Variants in KANSL1 observed in about 807,000 individuals in gnomAD.
The protein encoded by KANSL1 is MLL1/MLL complex subunit KANSL1.
In KANSL1, 22 loss-of-function variants were observed where a neutral mutation model predicts 103.6. The ratio of observed to expected loss-of-function variants is 0.21; its 90% CI spans 0.15 to 0.30. The LOEUF is 0.30. Ranked by LOEUF, KANSL1 falls within the 10% of genes least tolerant of loss-of-function variation. The pLI, the probability that KANSL1 is intolerant of heterozygous loss-of-function variation, is 1.00. For missense variants in KANSL1, 1,337 were observed against 1,399.8 expected (o/e 0.96, Z 0.72); for synonymous variants, 600 against 527.6 (o/e 1.14, Z -1.88).
chr17:46,146,333 G>C (rs945516962), intron 2 of KANSL1, among the ~76,000 whole-genome samples: 2 of 152,202 alleles, frequency 1.3e-5, no homozygotes, highest in African/African-American at 2.4e-5. Flanking sequence ...TTTACAGAGA[G>C]GGAAATCAAT....
chr17:46,210,270 C>T (rs1417339363), intron 1 of KANSL1, among the ~76,000 whole-genome samples: 1 of 151,914 alleles, frequency 6.6e-6, no homozygotes, highest in South Asian at 2.1e-4. Flanking sequence ...GTCAGGAGAT[C>T]GAGACCATCC....
chr17:46,175,475 G>A (rs1026251130), intron 1 of KANSL1, among the ~76,000 whole-genome samples: 2 of 151,984 alleles, frequency 1.3e-5, no homozygotes, highest in African/African-American at 4.8e-5. Context: ...TCAGCCTCCC[G>A]AGTAGCTGGG....
intron 1 of KANSL1, among the ~76,000 whole-genome samples, chr17:46,220,483 TG>T (rs2048497393): frequency 1.3e-5 from 2 of 152,214 alleles, no homozygotes; most frequent in South Asian, 4.1e-4. Flanking sequence ...CCCAAAGTGC[TG>T]GGATTACAGG....
chr17:46,155,593 G>A (rs2109092), intron 2 of KANSL1, among the ~76,000 whole-genome samples: 21,939 of 152,154 alleles, frequency 0.14, 2,134 homozygotes, highest in Non-Finnish European at 0.22. Flanking sequence ...ACGCCATCAG[G>A]CATTCTTACA....
chr17:46,102,870 T>C (rs181311632), intron 2 of KANSL1, among the ~76,000 whole-genome samples: 1 of 152,324 alleles, frequency 6.6e-6, no homozygotes, highest in African/African-American at 2.4e-5. Flanking sequence ...ATATAAAATA[T>C]ACGATAAGAG....
At position 46,073,536 on chromosome 17, in the gene KANSL1, T is replaced by C. The variant is rs148020648; in HGVS notation, c.1534-5869A>G. Among the ~76,000 whole-genome samples the C allele has an allele frequency of 4.2e-3, 635 of 152,192 alleles. 5 individuals carry two copies. Among genetic ancestry groups the C allele is most frequent in the African/African-American group, 0.014 (596 of 41,512 alleles). ...AAAGATAAGCCAAAACGTACTGAAA[T>C]TGCTAACCTACAGGACGTTGAGTGA... On this transcript the variant is annotated intron_variant, in intron 4 of 14. Transcript: ENST00000432791.
chr17:46,056,879 T>C (rs1474509370), intron 6 of KANSL1, among the ~76,000 whole-genome samples: 2 of 152,252 alleles, frequency 1.3e-5, no homozygotes, highest in Non-Finnish European at 2.9e-5. Context: ...GCACTGTAGA[T>C]ATCTAGCAGC....
chr17:46,082,662 G>T, intron 3 of KANSL1, 120 bp from the exon 4 acceptor site: 1 of 523,454 alleles, frequency 1.9e-6, no homozygotes, highest in South Asian at 3.0e-5. Context: ...CTCACCCTAT[G>T]GTTCAGAAAC....
chr17:46,191,829 G>A lies in KANSL1; in HGVS notation c.-90+994C>T, dbSNP rs552793932. ...ACACCAGGATTGTGAATGGAGGGGA[G>A]GGAGGCGAGGCTGGAGGAAGAGAGA... On this transcript the variant is annotated intron_variant, in intron 1 of 14. Coordinates refer to ENST00000432791, the MANE Select transcript of KANSL1 (RefSeq NM_015443.4). Among the ~76,000 whole-genome samples the A allele has an allele frequency of 3.9e-5, 6 of 152,352 alleles. No homozygotes were observed. The South Asian group carries it at 8.3e-4, about 21-fold the overall frequency.
In KANSL1 at chr17:46,171,687, G is replaced by A; in HGVS notation, c.457C>T (p.Pro153Ser). 1 of 1,554,474 alleles carries A rather than the reference G, an allele frequency of 6.4e-7. No homozygotes were observed. The highest frequency in any genetic ancestry group is 8.7e-7 in the Non-Finnish European group (1 of 1,154,872). Reference sequence around the variant, plus strand: ...AATTTCTTAGCCAACCCATTTACAGGTGCTTGTGGCAGAGCTGTCTGACCA... The same window carrying A: ...AATTTCTTAGCCAACCCATTTACAGATGCTTGTGGCAGAGCTGTCTGACCA... ...TSGQTALPQA[P>S]VNGLAKKLTK... Residue 153 changes from proline to serine, a missense_variant, in exon 2 of 15, where the codon CCT becomes TCT. Physicochemically the swap from Pro to Ser is moderately conservative, Grantham distance 74 (BLOSUM62 -1). Around this residue, in one of 2 missense-constraint regions of KANSL1, gnomAD observed 557 missense variants for 476.4 expected, o/e 1.17. Transcript: ENST00000432791.
chr17:46,152,817 C>A (rs542490161), intron 2 of KANSL1: 1 of 152,142 alleles, frequency 6.6e-6, no homozygotes, highest in Non-Finnish European at 1.5e-5. Flanking sequence ...AGCAAAACAA[C>A]AAAATGTTAA....
intron 2 of KANSL1, among the ~76,000 whole-genome samples, chr17:46,160,911 T>C (rs2045701126): frequency 6.6e-6 from 1 of 152,242 alleles, no homozygotes; most frequent in Non-Finnish European, 1.5e-5. Flanking sequence ...ATTAGCTGTT[T>C]GACATTAAGT....
At position 46,184,746 on chromosome 17, in the gene KANSL1, T is replaced by C. The variant is rs138735308; in HGVS notation, c.-90+8077A>G. Among the ~76,000 whole-genome samples, 10 of 152,292 alleles carry C rather than the reference T, an allele frequency of 6.6e-5. No homozygotes were observed. The East Asian group carries it at 1.2e-3, about 18-fold the overall frequency. ...AGGTGGGGTCCCTCCCTCTAGGCTCTTACCTGCACCCCCATGACACCCTGG... is the reference window on the plus strand; with the variant it reads ...AGGTGGGGTCCCTCCCTCTAGGCTCCTACCTGCACCCCCATGACACCCTGG... On this transcript the variant is annotated intron_variant, in intron 1 of 14. Coordinates refer to ENST00000432791, the MANE Select transcript of KANSL1 (RefSeq NM_015443.4).
chr17:46,137,205 C>T (rs1288438822), intron 2 of KANSL1, among the ~76,000 whole-genome samples: 1 of 152,208 alleles, frequency 6.6e-6, no homozygotes, highest in African/African-American at 2.4e-5. Context: ...TACCTTGTCC[C>T]TTTCTACCCT....
chr17:46,161,710 T>C (rs1378860550), intron 2 of KANSL1, among the ~76,000 whole-genome samples: 3 of 152,220 alleles, frequency 2.0e-5, no homozygotes, highest in Admixed American at 6.5e-5. Context: ...TATAAGAACA[T>C]GATTTTAAAT....
intron 4 of KANSL1, among the ~76,000 whole-genome samples, chr17:46,075,969 T>C (rs796721954): frequency 3.9e-4 from 59 of 152,328 alleles, no homozygotes; most frequent in African/African-American, 1.4e-3. Context: ...ATTTTATGCT[T>C]GTTGGAAGAA....
chr17:46,124,682 T>C (rs1212147627), intron 2 of KANSL1, among the ~76,000 whole-genome samples: 1 of 152,188 alleles, frequency 6.6e-6, no homozygotes, highest in Non-Finnish European at 1.5e-5. Flanking sequence ...GAGTTCAAAA[T>C]ATCAACCCCA....
At chr17:46,046,900 A>G (rs952869599) in intron 7 of KANSL1, among the ~76,000 whole-genome samples, 1 of 152,022 alleles carries the variant, frequency 6.6e-6, no homozygotes, top group African/African-American at 2.4e-5. Context: ...TGAGAAGAGT[A>G]CTACAAACTT....
At chr17:46,116,268 C>T (rs890663149) in intron 2 of KANSL1, among the ~76,000 whole-genome samples, 2 of 152,234 alleles carry the variant, frequency 1.3e-5, no homozygotes, top group African/African-American at 4.8e-5. Context: ...CAGTGGCTCA[C>T]GCCTGTAATC....
Sources: gnomAD v4.1 joint callset for allele counts (sites outside exome capture counted in the v4.1 genomes callset) on GRCh38, gnomAD v4.1.1 for gene constraint, gnomAD v4.1.1 regional missense constraint, MANE v1.5 for transcripts, NCBI Gene and HGNC (gene_info 2026-07-23, HGNC 2026-07-21) for gene names.